IGF2BP2: variants seen among roughly 807,000 people sequenced by gnomAD.
IGF2BP2 encodes the protein insulin-like growth factor 2 mRNA-binding protein 2.
IGF2BP2 carries 17 observed loss-of-function variants against 75.8 expected under a neutral mutation model. The ratio of observed to expected loss-of-function variants is 0.22; its 90% confidence interval spans 0.15 to 0.34. The LOEUF is 0.34. Among genes scored for constraint, IGF2BP2 ranks in the 10% least tolerant of loss-of-function variants. The pLI is 1.00. For missense variants in IGF2BP2, 516 were observed against 772.4 expected (o/e 0.67, Z 3.93); for synonymous variants, 288 against 295.6 (o/e 0.97, Z 0.26).
intron 2 of IGF2BP2, among the ~76,000 whole-genome samples, chr3:185,774,322 A>G (rs549438264): frequency 4.6e-4 from 70 of 152,328 alleles, no homozygotes; most frequent in Admixed American, 9.8e-4. Flanking sequence ...CAGGCCGGGC[A>G]TGGTGGTTCC....
chr3:185,671,491 C>A (rs187985071), intron 10 of IGF2BP2, among the ~76,000 whole-genome samples: 1 of 147,620 alleles, frequency 6.8e-6, no homozygotes, highest in African/African-American at 2.5e-5. Context: ...GAGACAAGAT[C>A]GCGCCACTGC....
chr3:185,806,970 A>G (rs1739110058), intron 2 of IGF2BP2, among the ~76,000 whole-genome samples: 1 of 152,220 alleles, frequency 6.6e-6, no homozygotes. Context: ...TAGAAAACCA[A>G]TGATTTTAAA....
intron 2 of IGF2BP2, among the ~76,000 whole-genome samples, chr3:185,754,706 G>C (rs535438917): frequency 6.6e-6 from 1 of 152,188 alleles, no homozygotes; most frequent in Admixed American, 6.5e-5. Flanking sequence ...GAAGTTAATG[G>C]GAACTGGAGT....
At chr3:185,814,180 C>T (rs894383176) in intron 2 of IGF2BP2, 5 of 152,296 alleles carry the variant, frequency 3.3e-5, no homozygotes, top group Admixed American at 3.3e-4. Context: ...CCTTTCTCCT[C>T]TCCTCCCTCC....
chr3:185,787,803 T>C (rs1736103772), intron 2 of IGF2BP2, among the ~76,000 whole-genome samples: 1 of 152,142 alleles, frequency 6.6e-6, no homozygotes, highest in African/African-American at 2.4e-5. Flanking sequence ...CTGTAAAGAC[T>C]GAGCTCTTAG....
At chr3:185,801,711 T>C (rs1009397126) in intron 2 of IGF2BP2, among the ~76,000 whole-genome samples, 6 of 152,064 alleles carry the variant, frequency 3.9e-5, no homozygotes, top group African/African-American at 7.2e-5. Context: ...TATAAACACA[T>C]GCACACTTAT....
intron 2 of IGF2BP2, among the ~76,000 whole-genome samples, chr3:185,773,318 A>G (rs1457150186): frequency 1.3e-5 from 2 of 152,230 alleles, no homozygotes; most frequent in African/African-American, 2.4e-5. Flanking sequence ...TTATAACACT[A>G]TAGACTATAG....
intron 2 of IGF2BP2, among the ~76,000 whole-genome samples, chr3:185,736,903 T>C (rs1210044652): frequency 2.0e-5 from 3 of 152,204 alleles, no homozygotes; most frequent in Non-Finnish European, 4.4e-5. Flanking sequence ...GGACATGATC[T>C]CAGCCATCAA....
At chr3:185,824,761 G>A in intron 1 of IGF2BP2, 22 bp downstream of exon 1, 1 of 1,301,576 alleles carries the variant, frequency 7.7e-7, no homozygotes, top group Non-Finnish European at 9.9e-7. Flanking sequence ...GGCGGGGGGA[G>A]GGGGCCGCGC....
At chr3:185,805,256 T>C (rs1738859141) in intron 2 of IGF2BP2, among the ~76,000 whole-genome samples, 1 of 152,046 alleles carries the variant, frequency 6.6e-6, no homozygotes, top group African/African-American at 2.4e-5. Context: ...AGTTAGCACA[T>C]ATCCAGGGAC....
At chr3:185,800,867 G>C (rs866204318) in intron 2 of IGF2BP2, among the ~76,000 whole-genome samples, 2 of 152,090 alleles carry the variant, frequency 1.3e-5, no homozygotes, top group Non-Finnish European at 2.9e-5. Flanking sequence ...TGACAAATGG[G>C]ATCTAATTAA....
intron 2 of IGF2BP2, among the ~76,000 whole-genome samples, chr3:185,753,807 G>T (rs561664837): frequency 8.5e-5 from 13 of 152,238 alleles, no homozygotes; most frequent in African/African-American, 3.1e-4. Context: ...CCTGGTGGGA[G>T]GTATTGGATC....
intron 2 of IGF2BP2, among the ~76,000 whole-genome samples, chr3:185,765,903 C>T (rs780685466): frequency 1.6e-4 from 25 of 152,160 alleles, no homozygotes; most frequent in Admixed American, 3.3e-4. Flanking sequence ...AAGCTAAATA[C>T]GGAACATGCC....
intron 7 of IGF2BP2, among the ~76,000 whole-genome samples, chr3:185,677,536 C>A (rs1479562869): frequency 9.9e-5 from 15 of 151,954 alleles, no homozygotes; most frequent in Admixed American, 8.5e-4. Flanking sequence ...CAAATCCCAA[C>A]AAAAAAACTT....
Position 185,787,204 on chromosome 3 carries a change from T to C in IGF2BP2, c.239+35949A>G, listed in dbSNP as rs533852872. 5.3e-5 allele frequency among the ~76,000 whole-genome samples: 8 copies of C among 152,258 alleles called. No homozygotes were observed. The South Asian group carries it at 1.2e-3, about 24-fold the overall frequency. On this transcript the variant is annotated intron_variant, in intron 2 of 15. Transcript: ENST00000382199. ...TACAAGACAAAGACAGTTCTGGAGA[T>C]AGATAGTGGCGATGGCTGCATAAAC...
At chr3:185,800,743 T>A (rs73061097) in intron 2 of IGF2BP2, among the ~76,000 whole-genome samples, 48,778 of 143,936 alleles carry the variant, frequency 0.34, 8,602 homozygotes, top group African/African-American at 0.48. Flanking sequence ...AGAAAGAAAG[T>A]ACTTGCTGAA....
intron 2 of IGF2BP2, among the ~76,000 whole-genome samples, chr3:185,811,724 C>T (rs1739854762): frequency 6.6e-6 from 1 of 152,106 alleles, no homozygotes. Flanking sequence ...AAAAATCTTA[C>T]TACAAAAGTT....
intron 2 of IGF2BP2, among the ~76,000 whole-genome samples, chr3:185,731,246 C>CTTTTTT: frequency 7.7e-6 from 1 of 129,250 alleles, no homozygotes; most frequent in Non-Finnish European, 1.7e-5. Flanking sequence ...GCATCACTTT[C>CTTTTTT]TTTTTTTTTT....
intron 2 of IGF2BP2, among the ~76,000 whole-genome samples, chr3:185,710,258 TAG>T (rs995768550): frequency 1.3e-5 from 2 of 149,862 alleles, no homozygotes; most frequent in Admixed American, 1.4e-4. Flanking sequence ...AATGGTATCA[TAG>T]AGTCACTGTT....
Sources: allele counts gnomAD v4.1 joint callset (sites outside exome capture counted in the v4.1 genomes callset), GRCh38; gene constraint gnomAD v4.1.1; transcripts MANE v1.5; gene names NCBI Gene and HGNC (gene_info 2026-07-23, HGNC 2026-07-21).